Variants in RAD54B observed in about 807,000 individuals in gnomAD.
RAD54B encodes the protein RAD54 homolog B, also known as DNA repair and recombination protein RAD54B.
In RAD54B, 78 loss-of-function variants were observed where a neutral mutation model predicts 95.8. The observed-to-expected ratio is 0.81, with a 90% CI of 0.68 to 0.98. The LOEUF (loss-of-function observed/expected upper bound fraction) is 0.98. Ranked by LOEUF, RAD54B falls within the 50% of genes least tolerant of loss-of-function variation. RAD54B has a pLI of 0.00. For synonymous variants in RAD54B, 328 were observed against 354.9 expected (o/e 0.92, Z 0.85); for missense variants, 957 against 1,056.6 (o/e 0.91, Z 1.31).
intron 2 of RAD54B, among the ~76,000 whole-genome samples, chr8:94,465,218 T>C (rs1469119287): frequency 1.9e-4 from 29 of 152,210 alleles, no homozygotes; most frequent in Admixed American, 1.9e-3. Flanking sequence ...AATTTTTACA[T>C]TGGTAAGTGC....
chr8:94,397,529 T>C (rs1169982788), intron 8 of RAD54B, among the ~76,000 whole-genome samples: 3 of 152,132 alleles, frequency 2.0e-5, no homozygotes, highest in Non-Finnish European at 4.4e-5. Flanking sequence ...AAGACATTCT[T>C]GTTGAATGAA....
At chr8:94,464,149 G>C (rs1812972096) in intron 2 of RAD54B, among the ~76,000 whole-genome samples, 1 of 152,114 alleles carries the variant, frequency 6.6e-6, no homozygotes, top group Non-Finnish European at 1.5e-5. Flanking sequence ...TGAATGTATT[G>C]TTATGTGGTA....
intron 3 of RAD54B, among the ~76,000 whole-genome samples, chr8:94,445,183 C>T (rs575758277): frequency 1.3e-5 from 2 of 152,102 alleles, no homozygotes; most frequent in South Asian, 2.1e-4. Context: ...CTCAGTATGT[C>T]GTCACATGGT....
At position 94,378,332 on chromosome 8, in the gene RAD54B, A is replaced by T; in HGVS notation, c.2363T>A (p.Leu788His). ...IYQRQISKQGLCGAVVDLTKT... is the reference protein window; with the variant it reads ...IYQRQISKQGHCGAVVDLTKT... ...GGTGAGGTCGACAACTGCCCCACAA[A>T]GACCTTGCTTACTGATCTGCCTTTG... Residue 788 changes from leucine to histidine, a missense_variant, in exon 14 of 15, where the codon CTT becomes CAT. By Grantham distance (99) the Leu-to-His change is moderately conservative. Transcript: ENST00000336148. 1 of 1,614,044 alleles carries T rather than the reference A, an allele frequency of 6.2e-7. No homozygotes were observed. Among genetic ancestry groups the T allele is most frequent in the Non-Finnish European group, 8.5e-7 (1 of 1,179,966 alleles).
chr8:94,440,980 T>C (rs1323148858), intron 3 of RAD54B, among the ~76,000 whole-genome samples: 1 of 152,174 alleles, frequency 6.6e-6, no homozygotes, highest in African/African-American at 2.4e-5. Flanking sequence ...GGCCTAAACC[T>C]AGTAGTTAAA....
chr8:94,400,884 TTA>T (rs1811251514), intron 6 of RAD54B, among the ~76,000 whole-genome samples: 1 of 152,190 alleles, frequency 6.6e-6, no homozygotes, highest in South Asian at 2.1e-4. Context: ...GAGCTGTATT[TTA>T]TGATTCTGTC....
intron 3 of RAD54B, among the ~76,000 whole-genome samples, chr8:94,443,395 A>G (rs899395245): frequency 2.6e-4 from 40 of 152,288 alleles, no homozygotes; most frequent in African/African-American, 8.9e-4. Context: ...TGACCTGTGC[A>G]GCAAACCACC....
intron 12 of RAD54B, among the ~76,000 whole-genome samples, chr8:94,378,850 T>C (rs897960741): frequency 4.6e-5 from 7 of 152,194 alleles, no homozygotes; most frequent in African/African-American, 7.2e-5. Context: ...TACTGTAAAA[T>C]AACTACAAGA....
In RAD54B at chr8:94,391,888, C is replaced by T. The variant is rs1037947975; in HGVS notation, c.1530G>A (p.Glu510=). 2.5e-6 allele frequency: 4 copies of T among 1,602,390 alleles called. No individual in the cohort carries two copies. Among genetic ancestry groups the T allele is most frequent in the Admixed American group, 1.7e-5 (1 of 57,654 alleles). Residue 510 remains glutamate, a synonymous_variant, in exon 10 of 15, where the codon GAG becomes GAA. Coordinates refer to ENST00000336148, the MANE Select transcript of RAD54B (RefSeq NM_012415.3). ...GTTCAGCTGCTCTTCTTTCTCCTAA[C>T]TCCTTTTCTTCCTATGGAAAAATAG... ...REPSASEEEK[E]LGERRAAELT... is the part of the protein sequence containing the mutation.
At chr8:94,427,796 C>T in intron 3 of RAD54B, 2 of 955,834 alleles carry the variant, frequency 2.1e-6, no homozygotes, top group Non-Finnish European at 2.5e-6. Context: ...ATATTAAACA[C>T]AATTTATTAC....
At chr8:94,402,495 C>A (rs758277736) in intron 6 of RAD54B, among the ~76,000 whole-genome samples, 1 of 152,168 alleles carries the variant, frequency 6.6e-6, no homozygotes, top group Non-Finnish European at 1.5e-5. Context: ...CTCAAGTGAT[C>A]CGCCTGCCTT....
At chr8:94,400,873 T>G (rs1811251192) in intron 6 of RAD54B, among the ~76,000 whole-genome samples, 1 of 152,312 alleles carries the variant, frequency 6.6e-6, no homozygotes, top group East Asian at 1.9e-4. Flanking sequence ...CAAGATCTAC[T>G]GAGCTGTATT....
chr8:94,467,126 C>G (rs192981203), intron 2 of RAD54B, among the ~76,000 whole-genome samples: 5 of 152,178 alleles, frequency 3.3e-5, no homozygotes, highest in Non-Finnish European at 7.4e-5. Context: ...CAGGGTCTCA[C>G]TATGTTACCC....
chr8:94,416,381 G>C (rs1052659939), intron 3 of RAD54B, among the ~76,000 whole-genome samples: 1 of 152,076 alleles, frequency 6.6e-6, no homozygotes, highest in Non-Finnish European at 1.5e-5. Context: ...TGGGGCGAGG[G>C]GGGAGGGATA....
chr8:94,423,790 A>G lies in RAD54B; in HGVS notation c.305-12475T>C, dbSNP rs185077969. On this transcript the variant is annotated intron_variant, in intron 3 of 14. Transcript: ENST00000336148. ...ATTTTGCTGTGTGCAATTTTAGTCA[A>G]TTTTAATTAGTTTTCTTTTTGTATT... 5.9e-4 allele frequency among the ~76,000 whole-genome samples: 90 copies of G among 152,336 alleles called. 1 individual carries two copies. Among genetic ancestry groups the G allele is most frequent in the Admixed American group, 2.6e-3 (39 of 15,290 alleles).
intron 3 of RAD54B, among the ~76,000 whole-genome samples, chr8:94,418,025 T>C (rs1202967527): frequency 6.6e-6 from 1 of 152,214 alleles, no homozygotes. Flanking sequence ...TAAGTGCAGC[T>C]CCTCCAGTTT....
Position 94,463,181 on chromosome 8 carries a change from C to CAAAT in RAD54B, c.135+4220_135+4223dup, listed in dbSNP as rs113925345. ...ACAGAGCAAGACTCCATCTCAAAAA[C>CAAAT]AAATAAATAAATAAATAAATAAATA... On this transcript the variant is annotated intron_variant, in intron 2 of 14. Transcript: ENST00000336148. Among the ~76,000 whole-genome samples, 397 of 147,290 alleles carry CAAAT rather than the reference C, an allele frequency of 2.7e-3. 3 individuals carry two copies. Among genetic ancestry groups the CAAAT allele is most frequent in the African/African-American group, 4.8e-3 (193 of 39,846 alleles).
In RAD54B at chr8:94,372,391, T is replaced by C; in HGVS notation, c.2516-4A>G. 5.0e-6 allele frequency: 8 copies of C among 1,611,148 alleles called. No individual in the cohort carries two copies. The highest frequency in any genetic ancestry group is 6.8e-6 in the Non-Finnish European group (8 of 1,179,454). Reference sequence around the variant, plus strand: ...ATGAATTTTTCCAACGAATCACCTGTAATAAGTAAAACAATGAGAAAATCC... The same window carrying C: ...ATGAATTTTTCCAACGAATCACCTGCAATAAGTAAAACAATGAGAAAATCC... On this transcript the variant is annotated splice_region_variant and splice_polypyrimidine_tract_variant and intron_variant, in intron 14 of 14. Coordinates refer to ENST00000336148, the MANE Select transcript of RAD54B (RefSeq NM_012415.3).
intron 3 of RAD54B, among the ~76,000 whole-genome samples, chr8:94,416,252 A>G (rs1811663311): frequency 6.6e-6 from 1 of 151,594 alleles, no homozygotes; most frequent in Non-Finnish European, 1.5e-5. Context: ...CATTCTCAGT[A>G]AACTATCACA....
Sources: allele counts gnomAD v4.1 joint callset (sites outside exome capture counted in the v4.1 genomes callset), GRCh38; gene constraint gnomAD v4.1.1; transcripts MANE v1.5; gene names NCBI Gene and HGNC (gene_info 2026-07-23, HGNC 2026-07-21).